The following TENM4 variants were observed in gnomAD, a reference collection of about 807,000 sequenced individuals.
TENM4 encodes teneurin-4.
TENM4 carries 82 observed loss-of-function variants against 243.3 expected under a neutral mutation model. The ratio of observed to expected loss-of-function variants is 0.34; its 90% CI spans 0.28 to 0.40. The LOEUF is 0.40. TENM4 is among the 10% of genes least tolerant of loss of function. The probability of loss-of-function intolerance (pLI) is 1.00; values close to 1 mark genes in which losing one functional copy is unlikely to be tolerated. For missense variants in TENM4, 3,138 were observed against 3,673.3 expected, an observed-to-expected ratio of 0.85 and a Z score of 3.77; for synonymous variants, 1,412 against 1,456.3, an observed-to-expected ratio of 0.97 and a Z score of 0.69.
intron 3 of TENM4, among the ~76,000 whole-genome samples, chr11:79,177,283 T>C (rs1473024541): frequency 2.0e-5 from 3 of 152,100 alleles, no homozygotes; most frequent in African/African-American, 7.2e-5. Context: ...GCACCCATCA[T>C]CCTTACTTTA....
chr11:79,256,834 A>T lies in TENM4; in HGVS notation c.-265+40654T>A, dbSNP rs537898012. On this transcript the variant is annotated intron_variant, in intron 2 of 33. Coordinates refer to ENST00000278550, the MANE Select transcript of TENM4 (RefSeq NM_001098816.3). Reference sequence around the variant, plus strand: ...GGAATAGGGCTTGAGAGTGAGGTGGAAACTCAGTTACGTTACTAATCATGT... The same window carrying T: ...GGAATAGGGCTTGAGAGTGAGGTGGTAACTCAGTTACGTTACTAATCATGT... Among the ~76,000 whole-genome samples the T allele has an allele frequency of 2.6e-5, 4 of 152,272 alleles. No homozygotes were observed. In the South Asian group the frequency reaches 6.2e-4, roughly 24 times the overall value.
chr11:78,911,512 C>T (rs77004339), intron 6 of TENM4, among the ~76,000 whole-genome samples: 2 of 152,170 alleles, frequency 1.3e-5, no homozygotes, highest in South Asian at 2.1e-4. Context: ...GCTGGAGTAA[C>T]CTTCTTGCTA....
At chr11:78,687,794 C>T (rs754987772) in intron 29 of TENM4, among the ~76,000 whole-genome samples, 3 of 152,110 alleles carry the variant, frequency 2.0e-5, no homozygotes, top group Non-Finnish European at 4.4e-5. Context: ...AGCGAGGTCA[C>T]CTGGATTAGC....
intron 2 of TENM4, among the ~76,000 whole-genome samples, chr11:79,234,896 G>A (rs1864435680): frequency 1.3e-5 from 2 of 152,156 alleles, no homozygotes; most frequent in South Asian, 2.1e-4. Flanking sequence ...GGTCTGGCAA[G>A]GTAAGAAGAA....
intron 4 of TENM4, among the ~76,000 whole-genome samples, chr11:79,133,329 T>A (rs1406837030): frequency 6.6e-6 from 1 of 152,074 alleles, no homozygotes; most frequent in Non-Finnish European, 1.5e-5. Context: ...AACAGACCAA[T>A]AACAAGTAGC....
At chr11:79,064,549 C>T (rs1372360411) in intron 6 of TENM4, 189 bp downstream of exon 6, 3 of 737,092 alleles carry the variant, frequency 4.1e-6, no homozygotes, top group Non-Finnish European at 6.5e-6. Context: ...GACCCAATCT[C>T]TGGCATGTCA....
At chr11:79,108,005 G>C (rs1196986971) in intron 4 of TENM4, among the ~76,000 whole-genome samples, 1 of 152,166 alleles carries the variant, frequency 6.6e-6, no homozygotes, top group Non-Finnish European at 1.5e-5. Flanking sequence ...GCAAGAACTA[G>C]CAATAGATGC....
intron 1 of TENM4, among the ~76,000 whole-genome samples, chr11:79,310,040 G>A (rs1197802799): frequency 6.6e-6 from 1 of 152,154 alleles, no homozygotes; most frequent in Non-Finnish European, 1.5e-5. Context: ...AGCAACACAT[G>A]CCACATGGAA....
At chr11:79,237,018 G>T (rs558899018) in intron 2 of TENM4, among the ~76,000 whole-genome samples, 2 of 152,264 alleles carry the variant, frequency 1.3e-5, no homozygotes, top group African/African-American at 4.8e-5. Flanking sequence ...TGGCAGCCAA[G>T]CTTGAGTCCC....
At chr11:79,375,124 T>C (rs1450994254) in intron 1 of TENM4, among the ~76,000 whole-genome samples, 2 of 152,224 alleles carry the variant, frequency 1.3e-5, no homozygotes, top group East Asian at 1.9e-4. Flanking sequence ...TGACAGTTAA[T>C]GAACAAGTTG....
chr11:78,709,323 G>A (rs922835757), intron 26 of TENM4, among the ~76,000 whole-genome samples: 15 of 151,978 alleles, frequency 9.9e-5, no homozygotes, highest in Non-Finnish European at 2.1e-4. Context: ...ACAAAACTAC[G>A]GAATCTGAAT....
chr11:78,696,024 C>G (rs1005823706), intron 28 of TENM4, among the ~76,000 whole-genome samples: 2 of 151,910 alleles, frequency 1.3e-5, no homozygotes, highest in African/African-American at 4.8e-5. Context: ...ACATGTATAT[C>G]AGACTATTGG....
chr11:79,378,298 T>C lies in TENM4; in HGVS notation c.-321+62211A>G, dbSNP rs188461500. ...CAATGGAGTAGGGGGCCTGGGGCCCTTCTCTGGCTCTTTATCCTGGTCCCT... is the reference window on the plus strand; with the variant it reads ...CAATGGAGTAGGGGGCCTGGGGCCCCTCTCTGGCTCTTTATCCTGGTCCCT... On this transcript the variant is annotated intron_variant, in intron 1 of 33. Transcript: ENST00000278550. 3.8e-3 allele frequency among the ~76,000 whole-genome samples: 580 copies of C among 152,320 alleles called. 14 individuals are homozygous for C. The highest frequency in any genetic ancestry group is 0.036 in the Admixed American group (555 of 15,306).
intron 9 of TENM4, among the ~76,000 whole-genome samples, chr11:78,879,983 T>C (rs543790128): frequency 2.6e-5 from 4 of 151,066 alleles, no homozygotes; most frequent in African/African-American, 4.9e-5. Flanking sequence ...GAATGGGCCA[T>C]GATGACGATG....
intron 2 of TENM4, among the ~76,000 whole-genome samples, chr11:79,240,189 G>A (rs1864563442): frequency 6.6e-6 from 1 of 152,080 alleles, no homozygotes; most frequent in Admixed American, 6.6e-5. Flanking sequence ...ACCTCACAGG[G>A]TCATTATGAG....
At position 79,214,275 on chromosome 11, in the gene TENM4, T is replaced by G. The variant is rs916552300; in HGVS notation, c.-163+1533A>C. 4.6e-5 allele frequency among the ~76,000 whole-genome samples: 7 copies of G among 152,224 alleles called. No individual in the cohort carries two copies. The East Asian group carries it at 1.4e-3, about 29-fold the overall frequency. The stretch of plus-strand genomic sequence containing the variant: ...CTCCCAAAGTGCTGGGATTACAGGC[T>G]TGAGCCATCAAGCCTGGCCAAAAAG... On this transcript the variant is annotated intron_variant, in intron 3 of 33. Transcript: ENST00000278550.
intron 1 of TENM4, among the ~76,000 whole-genome samples, chr11:79,322,570 T>C (rs536462246): frequency 6.6e-6 from 1 of 152,180 alleles, no homozygotes; most frequent in East Asian, 1.9e-4. Flanking sequence ...TTAAAAGGAA[T>C]TCTACACTCT....
At chr11:78,979,814 C>G (rs899672113) in intron 6 of TENM4, among the ~76,000 whole-genome samples, 1 of 152,182 alleles carries the variant, frequency 6.6e-6, no homozygotes, top group Non-Finnish European at 1.5e-5. Context: ...TCCCTGGGCT[C>G]TAGATCCATC....
At chr11:79,333,288 C>T (rs1257771071) in intron 1 of TENM4, among the ~76,000 whole-genome samples, 1 of 152,172 alleles carries the variant, frequency 6.6e-6, no homozygotes, top group Non-Finnish European at 1.5e-5. Flanking sequence ...CACTGAGAAC[C>T]TACTATGTGC....
Sources: allele counts gnomAD v4.1 joint callset (sites outside exome capture counted in the v4.1 genomes callset), GRCh38; gene constraint gnomAD v4.1.1; transcripts MANE v1.5; gene names NCBI Gene and HGNC (gene_info 2026-07-23, HGNC 2026-07-21).